SLC35A1: variants seen among roughly 807,000 people sequenced by gnomAD.
SLC35A1 encodes the protein solute carrier family 35 member A1, also known as CMP-sialic acid transporter.
A neutral mutation model predicts 40.3 loss-of-function variants in SLC35A1; 21 were observed. The observed-to-expected ratio is 0.52, with a 90% CI of 0.37 to 0.75. The LOEUF (loss-of-function observed/expected upper bound fraction) is 0.75, where lower values mean the gene tolerates loss of function less well. SLC35A1 is among the 30% of genes least tolerant of loss of function. The pLI, the probability that SLC35A1 is intolerant of heterozygous loss-of-function variation, is 0.00. For missense variants in SLC35A1, 297 were observed against 382.1 expected (o/e 0.78, Z 1.86); for synonymous variants, 146 against 147.3 (o/e 0.99, Z 0.06).
chr6:87,483,196 T>C (rs1769293783), intron 2 of SLC35A1, among the ~76,000 whole-genome samples: 1 of 152,100 alleles, frequency 6.6e-6, no homozygotes, highest in Admixed American at 6.5e-5. Flanking sequence ...TCTCTGACTC[T>C]CTGTCTCTTT....
chr6:87,481,914 A>T lies in SLC35A1; in HGVS notation c.194+4375A>T, dbSNP rs544066950. On this transcript the variant is annotated intron_variant, in intron 2 of 7. Coordinates refer to ENST00000369552, the MANE Select transcript of SLC35A1 (RefSeq NM_006416.5). ...AACTTGCTTAAACGCTCAAAACAAA[A>T]TTTTTTTTAACCTTTTAATGTAGGT... 1.4e-4 allele frequency among the ~76,000 whole-genome samples: 21 copies of T among 152,216 alleles called. No homozygotes were observed. In the South Asian group the frequency reaches 1.9e-3, roughly 14 times the overall value.
chr6:87,503,509 G>C (rs1031867817), intron 4 of SLC35A1, among the ~76,000 whole-genome samples: 5 of 152,060 alleles, frequency 3.3e-5, no homozygotes, highest in Non-Finnish European at 7.4e-5. Flanking sequence ...TGAGGAGTTC[G>C]AGACCAGCCT....
intron 2 of SLC35A1, among the ~76,000 whole-genome samples, chr6:87,493,765 T>C (rs1329974003): frequency 6.6e-6 from 1 of 152,224 alleles, no homozygotes; most frequent in Non-Finnish European, 1.5e-5. Flanking sequence ...TAAAATACTG[T>C]GTTTTAGAAT....
Position 87,506,497 on chromosome 6 carries a change from C to T in SLC35A1, c.574+49C>T, listed in dbSNP as rs759642696. On this transcript the variant is annotated intron_variant, in intron 5 of 7. Transcript: ENST00000369552. ...ATTCTTTTGTCATATTTTTCGAAAA[C>T]ATCAAACTTTAGACACCAGTCTAGT... 10 of 1,479,286 alleles carry T rather than the reference C, an allele frequency of 6.8e-6. No homozygotes were observed. In the Admixed American group the frequency reaches 1.5e-4, roughly 22 times the overall value. 91.6% of individuals were successfully genotyped at this position (1,479,286 alleles called of 1,614,324 possible).
Position 87,509,135 on chromosome 6 carries a change from T to C in SLC35A1, c.846T>C (p.Leu282=), listed in dbSNP as rs1385613766. ...KGFSAAAAIV[L]STIASVMLFG... ...TTTCTGCAGCAGCGGCCATTGTCCTTTCCACCATTGCTTCAGTAATGCTGT... is the reference window on the plus strand; with the variant it reads ...TTTCTGCAGCAGCGGCCATTGTCCTCTCCACCATTGCTTCAGTAATGCTGT... The change falls in exon 7 of 8, where the codon CTT becomes CTC. Residue 282 remains leucine, a synonymous_variant. Transcript: ENST00000369552. 1 of 1,614,186 alleles carries C rather than the reference T, an allele frequency of 6.2e-7. No homozygotes were observed. Among genetic ancestry groups the C allele is most frequent in the Admixed American group, 1.7e-5 (1 of 60,024 alleles).
At chr6:87,489,856 A>C (rs1217299305) in intron 2 of SLC35A1, among the ~76,000 whole-genome samples, 2 of 146,688 alleles carry the variant, frequency 1.4e-5, no homozygotes. Flanking sequence ...TTTTAATACC[A>C]GTCTCAGGTA....
intron 2 of SLC35A1, among the ~76,000 whole-genome samples, chr6:87,485,380 G>A (rs368221833): frequency 1.6e-4 from 24 of 152,244 alleles, no homozygotes; most frequent in African/African-American, 5.8e-4. Context: ...GACAATTTCA[G>A]GATATTATGG....
Position 87,509,110 on chromosome 6 carries a change from T to C in SLC35A1, c.821T>C (p.Phe274Ser), listed in dbSNP as rs758976973. ...TACACAGACAACATCATGAAAGGCT[T>C]TTCTGCAGCAGCGGCCATTGTCCTT... ...VKYTDNIMKG[F>S]SAAAAIVLST... is the part of the protein sequence containing the mutation. Residue 274 changes from phenylalanine to serine, a missense_variant, in exon 7 of 8, where the codon TTT (phenylalanine) becomes TCT (serine). Physicochemically the swap from Phe to Ser is radical, Grantham distance 155. Coordinates refer to ENST00000369552, the MANE Select transcript of SLC35A1 (RefSeq NM_006416.5). 3.7e-6 allele frequency: 6 copies of C among 1,614,056 alleles called. No individual in the cohort carries two copies. The highest frequency in any genetic ancestry group is 4.2e-6 in the Non-Finnish European group (5 of 1,180,004).
chr6:87,484,709 CG>C (rs1416300647), intron 2 of SLC35A1, among the ~76,000 whole-genome samples: 4 of 150,918 alleles, frequency 2.7e-5, no homozygotes, highest in Non-Finnish European at 5.9e-5. Context: ...AGCAGGTAAT[CG>C]GAATGAGTCA....
intron 2 of SLC35A1, among the ~76,000 whole-genome samples, chr6:87,496,703 C>G (rs1769735554): frequency 6.7e-6 from 1 of 149,704 alleles, no homozygotes. Context: ...TCACTTGAAC[C>G]CAGGAGGTGG....
chr6:87,483,371 A>C (rs1769299527), intron 2 of SLC35A1, among the ~76,000 whole-genome samples: 1 of 151,816 alleles, frequency 6.6e-6, no homozygotes, highest in African/African-American at 2.4e-5. Flanking sequence ...CCCCGAGAAG[A>C]AGCGAAAGGG....
At chr6:87,506,239 G>T in intron 4 of SLC35A1, 143 bp from the exon 5 acceptor site, 2 of 692,538 alleles carry the variant, frequency 2.9e-6, no homozygotes, top group Admixed American at 4.8e-5. Flanking sequence ...TTGTTTAGTT[G>T]TCTTATTCTG....
intron 2 of SLC35A1, among the ~76,000 whole-genome samples, chr6:87,485,172 T>C (rs1373769274): frequency 6.6e-6 from 1 of 152,156 alleles, no homozygotes; most frequent in African/African-American, 2.4e-5. Context: ...TATCAGAAAA[T>C]AATTGTTACA....
chr6:87,487,257 C>T (rs2127967495), intron 2 of SLC35A1, among the ~76,000 whole-genome samples: 1 of 152,204 alleles, frequency 6.6e-6, no homozygotes, highest in South Asian at 2.1e-4. Flanking sequence ...GTCACTTTGA[C>T]CTCTTTGAGA....
chr6:87,485,060 A>C (rs1769355673), intron 2 of SLC35A1, among the ~76,000 whole-genome samples: 1 of 152,250 alleles, frequency 6.6e-6, no homozygotes, highest in Admixed American at 6.5e-5. Context: ...TTGGTAATTC[A>C]AAAAGAGTAA....
chr6:87,478,708 T>C (rs1417713967), intron 2 of SLC35A1, among the ~76,000 whole-genome samples: 1 of 152,228 alleles, frequency 6.6e-6, no homozygotes, highest in Non-Finnish European at 1.5e-5. Context: ...ACTAATCCAC[T>C]TGAAGTAGTT....
intron 1 of SLC35A1, among the ~76,000 whole-genome samples, chr6:87,476,909 C>A (rs940032348): frequency 6.6e-6 from 1 of 152,020 alleles, no homozygotes. Flanking sequence ...CGCCTGTAGT[C>A]CCGGGAGGCT....
chr6:87,510,051 C>T (rs1263150219), intron 7 of SLC35A1, among the ~76,000 whole-genome samples: 2 of 152,180 alleles, frequency 1.3e-5, no homozygotes, highest in African/African-American at 2.4e-5. Context: ...TGTGGCAAAT[C>T]TTGCCTGTAC....
At chr6:87,474,172 C>G (rs558185113) in intron 1 of SLC35A1, among the ~76,000 whole-genome samples, 1 of 152,312 alleles carries the variant, frequency 6.6e-6, no homozygotes, top group South Asian at 2.1e-4. Flanking sequence ...GAAGTCAAAT[C>G]ATTACTTGAA....
Sources: allele counts gnomAD v4.1 joint callset (sites outside exome capture counted in the v4.1 genomes callset), GRCh38; gene constraint gnomAD v4.1.1; transcripts MANE v1.5; gene names NCBI Gene and HGNC (gene_info 2026-07-23, HGNC 2026-07-21).